Variants in COL20A1 observed in about 807,000 individuals in gnomAD.
The protein encoded by COL20A1 is collagen alpha-1(XX) chain.
A neutral mutation model predicts 152.9 loss-of-function variants in COL20A1; 164 were observed. The observed-to-expected ratio is 1.07, with a 90% CI of 0.94 to 1.22. The LOEUF (loss-of-function observed/expected upper bound fraction) is 1.22. Ranked by LOEUF, COL20A1 falls within the 50% of genes most tolerant of loss-of-function variation. COL20A1 has a pLI of 0.00. For synonymous variants in COL20A1, 864 were observed against 756.0 expected, an observed-to-expected ratio of 1.14 and a Z score of -2.34; for missense variants, 1,873 against 1,744.8, an observed-to-expected ratio of 1.07 and a Z score of -1.31.
chr20:63,322,204 G>GCTCC, intron 27 of COL20A1, 93 bp downstream of exon 27: 1 of 1,036,974 alleles, frequency 9.6e-7, no homozygotes, highest in Non-Finnish European at 1.4e-6. Flanking sequence ...AGTGCAGGGA[G>GCTCC]CTGCACGCAG....
rs199562369 is a variant in COL20A1 at position 63,328,108 on chromosome 20, C to T, written c.3594C>T (p.Tyr1198=). ...KGEPQSLATL[Y]QLVSQASHVS... The stretch of plus-strand genomic sequence containing the variant: ...AGCCGCAGTCCCTTGCCACCCTCTA[C>T]CAGCTTGTGAGCCAGGCCTGTGAGT... The change falls in exon 33 of 36, where the codon TAC becomes TAT. Residue 1198 remains tyrosine (Y), a synonymous_variant. Transcript: ENST00000358894. The T allele has an allele frequency of 7.0e-5, 113 of 1,613,298 alleles. No individual in the cohort carries two copies. Among genetic ancestry groups the T allele is most frequent in the South Asian group, 5.9e-4 (54 of 91,012 alleles).
At chr20:63,309,675 T>C (rs1272240608) in intron 9 of COL20A1, 83 bp from the exon 10 acceptor site, 20 of 1,353,508 alleles carry the variant, frequency 1.5e-5, no homozygotes, top group Non-Finnish European at 1.7e-5. Flanking sequence ...TTCCTGTCCC[T>C]CCTGTGAGTG....
chr20:63,319,899 C>G lies in COL20A1; in HGVS notation c.2917-140C>G, dbSNP rs1025987401. The G allele has an allele frequency of 7.7e-5, 65 of 839,476 alleles. No homozygotes were observed. The highest frequency in any genetic ancestry group is 1.4e-4 in the Admixed American group (5 of 34,598). 52.0% of individuals were successfully genotyped at this position (839,476 alleles called of 1,614,324 possible). On this transcript the variant is annotated intron_variant, in intron 23 of 35. Transcript: ENST00000358894. The surrounding 1 kb of genome is among the most constrained non-coding windows in gnomAD (Gnocchi z 4.4). Reference sequence around the variant, plus strand: ...CAAGGGGGGGTTCTCCCAGGGTCCCCCGAAACCTGAGGTGAGGTCAGGTTC... The same window carrying G: ...CAAGGGGGGGTTCTCCCAGGGTCCCGCGAAACCTGAGGTGAGGTCAGGTTC...
In COL20A1 at chr20:63,309,933, C is replaced by A; in HGVS notation, c.1263+18C>A. On this transcript the variant is annotated intron_variant, in intron 10 of 35. Transcript: ENST00000358894. ...CCAGGGAGGTGAGGGGGCCGGTATA[C>A]AGGGCTCCCCGAGCCGGTCCTCAGC... The A allele has an allele frequency of 1.9e-6, 3 of 1,569,816 alleles. No homozygotes were observed. Among genetic ancestry groups the A allele is most frequent in the Non-Finnish European group, 2.6e-6 (3 of 1,159,278 alleles).
At position 63,308,576 on chromosome 20, in the gene COL20A1, G is replaced by A. The variant is rs2067961160; in HGVS notation, c.810G>A (p.Leu270=). ...TGACCCACGTGCTGGGGCAGAACCT[G>A]CAGCCGGCGGCTGGCCTCCGTCCAG... ...LALTHVLGQN[L]QPAAGLRPEA... is the part of the protein sequence containing the mutation. Residue 270 remains leucine, a synonymous_variant, in exon 8 of 36, where the codon CTG becomes CTA. Transcript: ENST00000358894. 8 of 1,604,966 alleles carry A rather than the reference G, an allele frequency of 5.0e-6. No individual in the cohort carries two copies. The highest frequency in any genetic ancestry group is 6.8e-6 in the Non-Finnish European group (8 of 1,176,458).
In COL20A1 at chr20:63,307,566, CCA is replaced by C. The variant is rs2067943218; in HGVS notation, c.576_577del (p.His192GlnfsTer18). 2.5e-6 allele frequency: 4 copies of C among 1,612,666 alleles called. No homozygotes were observed. The highest frequency in any genetic ancestry group is 3.4e-6 in the Non-Finnish European group (4 of 1,179,724). ...FLVDGSWSIG[H>X]SHFQQVKDFL... ...TGGTGGACGGGTCCTGGAGCATTGG[CCA>C]CAGTCACTTCCAGCAGGTCAAGGAC... On this transcript the variant is annotated frameshift_variant, in exon 6 of 36. Transcript: ENST00000358894. LOFTEE classifies it high-confidence loss of function.
chr20:63,313,757 A>C lies in COL20A1; in HGVS notation c.2224A>C (p.Ser742Arg). ...LRYTPSTVSR[S>R]PPSNLALASE... The stretch of plus-strand genomic sequence containing the variant: ...CTCTCGGCCAGCCACGGTGAGCAGG[A>C]GCCCACCCTCCAACCTGGCCCTGGC... Residue 742 changes from serine to arginine, a missense_variant, in exon 18 of 36, where the codon AGC becomes CGC. Ser to Arg is a moderately radical substitution (Grantham distance 110, BLOSUM62 -1). Coordinates refer to ENST00000358894, the MANE Select transcript of COL20A1 (RefSeq NM_020882.4). The surrounding 1 kb of genome is among the most constrained non-coding windows in gnomAD (Gnocchi z 5.9). The C allele has an allele frequency of 6.3e-7, 1 of 1,598,356 alleles. No homozygotes were observed. The highest frequency in any genetic ancestry group is 1.1e-5 in the South Asian group (1 of 89,070).
chr20:63,298,923 G>A (rs991776897), intron 3 of COL20A1, among the ~76,000 whole-genome samples: 6 of 152,202 alleles, frequency 3.9e-5, no homozygotes, highest in Non-Finnish European at 5.9e-5. Context: ...CGGGTGCCCC[G>A]GTGCCCTTGC....
chr20:63,299,505 A>G (rs1247584222), intron 3 of COL20A1, among the ~76,000 whole-genome samples: 1 of 152,050 alleles, frequency 6.6e-6, no homozygotes, highest in Non-Finnish European at 1.5e-5. Flanking sequence ...GAGGTCTGTG[A>G]TTTGTATTTA....
At chr20:63,303,895 C>G (rs1360113064) in intron 3 of COL20A1, among the ~76,000 whole-genome samples, 5 of 146,496 alleles carry the variant, frequency 3.4e-5, no homozygotes, top group Non-Finnish European at 3.0e-5. Context: ...CTCCTCTTCT[C>G]CCTGCAGGTG....
At position 63,328,446 on chromosome 20, in the gene COL20A1, G is replaced by C; in HGVS notation, c.3729G>C (p.Lys1243Asn). The change falls in exon 34 of 36, where the codon AAG becomes AAC. Residue 1243 changes from lysine to asparagine, a missense_variant. Physicochemically the swap from Lys to Asn is moderately conservative, Grantham distance 94 (BLOSUM62 0). Coordinates refer to ENST00000358894, the MANE Select transcript of COL20A1 (RefSeq NM_020882.4). ...TGGGGTCCCCTGGCACCCGCAGCAA[G>C]GCCCTGGTTCCTGGAGAATGGGGGC... ...EPLGSPGTRS[K>N]ALVPGEWGRG... The C allele has an allele frequency of 4.3e-6, 7 of 1,612,622 alleles. No homozygotes were observed. The highest frequency in any genetic ancestry group is 5.9e-6 in the Non-Finnish European group (7 of 1,179,736).
chr20:63,311,554 G>A lies in COL20A1; in HGVS notation c.1539+15G>A, dbSNP rs193210053. 6.2e-5 allele frequency: 100 copies of A among 1,603,738 alleles called. 1 individual carries two copies. The East Asian group carries it at 1.7e-3, about 28-fold the overall frequency. On this transcript the variant is annotated intron_variant, in intron 12 of 35. Coordinates refer to ENST00000358894, the MANE Select transcript of COL20A1 (RefSeq NM_020882.4). The surrounding 1 kb of genome is among the most constrained non-coding windows in gnomAD (Gnocchi z 4.4). Reference sequence around the variant, plus strand: ...AGGAGCGAGAGGTGAGCTGGGCCGGGGGGTGGCGGGGGAGGCAGAGGAGTG... The same window carrying A: ...AGGAGCGAGAGGTGAGCTGGGCCGGAGGGTGGCGGGGGAGGCAGAGGAGTG...
chr20:63,317,983 C>T (rs1012583399), intron 21 of COL20A1, among the ~76,000 whole-genome samples: 1 of 152,144 alleles, frequency 6.6e-6, no homozygotes, highest in African/African-American at 2.4e-5. Context: ...TTCAAGGCCT[C>T]CTGGGTGCCT....
In COL20A1 at chr20:63,331,464, G is replaced by A. The variant is rs1264320921; in HGVS notation, c.*748G>A. ...GCACCATCAGCCCCTGGTCCTTAGGGTCTCAGAGCAAGGTCATCCCTCAGC... is the reference window on the plus strand; with the variant it reads ...GCACCATCAGCCCCTGGTCCTTAGGATCTCAGAGCAAGGTCATCCCTCAGC... On this transcript the variant is annotated 3_prime_UTR_variant, in exon 36 of 36. Coordinates refer to ENST00000358894, the MANE Select transcript of COL20A1 (RefSeq NM_020882.4). 1 of 152,328 alleles carries A rather than the reference G, an allele frequency of 6.6e-6. No individual in the cohort carries two copies. The highest frequency in any genetic ancestry group is 1.5e-5 in the Non-Finnish European group (1 of 68,116). 9.4% of individuals were successfully genotyped at this position (152,328 alleles called of 1,614,324 possible). A position where few individuals can be genotyped will look rare whatever the true frequency, so the allele number is the denominator to read the frequency against.
chr20:63,316,646 C>T lies in COL20A1; in HGVS notation c.2618C>T (p.Pro873Leu), dbSNP rs868780181. ...GAGCCCTCTGCCTTCGGTGGGACCC[C>T]GACCTTCACGCTCTTCAAGGACGCC... Reference protein sequence around the residue: ...AMEPSAFGGTPTFTLFKDAQL... With the variant: ...AMEPSAFGGTLTFTLFKDAQL... The change falls in exon 21 of 36, where the codon CCG becomes CTG. Residue 873 changes from proline (P) to leucine (L), a missense_variant. Pro to Leu is a moderately conservative substitution (Grantham distance 98, BLOSUM62 -3). Transcript: ENST00000358894. 5.1e-6 allele frequency: 8 copies of T among 1,576,462 alleles called. No individual in the cohort carries two copies. The highest frequency in any genetic ancestry group is 1.3e-5 in the African/African-American group (1 of 74,268).
chr20:63,320,447 G>A, intron 25 of COL20A1, 79 bp downstream of exon 25: 1 of 1,377,388 alleles, frequency 7.3e-7, no homozygotes, highest in Non-Finnish European at 1.0e-6. Context: ...CCTGGGGTCA[G>A]TTGGCCTGTC....
At chr20:63,329,445 C>T in intron 34 of COL20A1, 140 bp from the exon 35 acceptor site, 2 of 667,366 alleles carry the variant, frequency 3.0e-6, no homozygotes, top group East Asian at 2.8e-5. Context: ...CGCTGCTGCC[C>T]CTAGATCTCA....
intron 25 of COL20A1, 21 bp downstream of exon 25, chr20:63,320,389 CT>C: frequency 1.2e-6 from 2 of 1,609,052 alleles, no homozygotes; most frequent in South Asian, 1.1e-5. Context: ...TCCCTTGCCC[CT>C]GTTCCACGAA....
intron 3 of COL20A1, 146 bp downstream of exon 3, chr20:63,298,166 GA>G: frequency 1.7e-6 from 1 of 604,688 alleles, no homozygotes. Context: ...GGTCTCTGCT[GA>G]CCCACATTCC....
Sources: gnomAD v4.1 joint callset for allele counts (sites outside exome capture counted in the v4.1 genomes callset) on GRCh38, gnomAD v4.1.1 for gene constraint, Gnocchi (gnomAD v3.1) non-coding constraint, MANE v1.5 for transcripts, NCBI Gene and HGNC (gene_info 2026-07-23, HGNC 2026-07-21) for gene names.